Variants in BLTP3B observed in about 807,000 individuals in gnomAD.
The protein encoded by BLTP3B is UHRF1 (ICBP90) binding protein 1-like.
chr12:100,117,674 A>AT, the BLTP3B span, among the ~76,000 whole-genome samples: 3 of 151,140 alleles, frequency 2.0e-5, no homozygotes, highest in Non-Finnish European at 4.4e-5. Flanking sequence ...CTCATTTTTA[A>AT]TTTTTTTGTA....
the BLTP3B span, chr12:100,103,902 T>G: frequency 6.3e-7 from 1 of 1,597,636 alleles, no homozygotes. Flanking sequence ...TAAAGTGGTT[T>G]CAGAACTCAC....
chr12:100,102,009 A>G, the BLTP3B span, among the ~76,000 whole-genome samples: 1 of 152,040 alleles, frequency 6.6e-6, no homozygotes, highest in Non-Finnish European at 1.5e-5. Flanking sequence ...CATGTTGGTC[A>G]AGCTGGTGGC....
the BLTP3B span, among the ~76,000 whole-genome samples, chr12:100,091,663 C>T: frequency 1.3e-5 from 2 of 150,826 alleles, no homozygotes; most frequent in Non-Finnish European, 1.5e-5. Context: ...CCACCACGCC[C>T]GGCTAAATTT....
At chr12:100,141,714 T>C in the BLTP3B span, among the ~76,000 whole-genome samples, 4 of 152,126 alleles carry the variant, frequency 2.6e-5, no homozygotes, top group African/African-American at 4.8e-5. Context: ...TTGAGTTCGC[T>C]GGTAACAACT....
the BLTP3B span, chr12:100,092,633 C>G: frequency 6.6e-6 from 1 of 152,528 alleles, no homozygotes; most frequent in Non-Finnish European, 1.5e-5. Context: ...TTACTAGTTT[C>G]CTAATATATA....
At chr12:100,124,978 A>ATATG in the BLTP3B span, among the ~76,000 whole-genome samples, 1 of 99,228 alleles carries the variant, frequency 1.0e-5, no homozygotes, top group East Asian at 3.0e-4. Flanking sequence ...ATATATATAT[A>ATATG]TTTATATTTA....
At chr12:100,114,768 C>T in the BLTP3B span, among the ~76,000 whole-genome samples, 1 of 152,200 alleles carries the variant, frequency 6.6e-6, no homozygotes, top group African/African-American at 2.4e-5. Flanking sequence ...AATCCTTTCA[C>T]AGCCCATGGG....
At chr12:100,048,918 T>C in the BLTP3B span, among the ~76,000 whole-genome samples, 5 of 152,022 alleles carry the variant, frequency 3.3e-5, no homozygotes, top group Middle Eastern at 3.4e-3. Flanking sequence ...ATTCCAATAA[T>C]AGAATATCTA....
At chr12:100,083,350 T>TA in the BLTP3B span, among the ~76,000 whole-genome samples, 5 of 152,288 alleles carry the variant, frequency 3.3e-5, no homozygotes, top group South Asian at 1.0e-3. Flanking sequence ...ACATTTAAGT[T>TA]AGTCTTCTAC....
the BLTP3B span, chr12:100,060,146 T>A: frequency 1.1e-6 from 1 of 927,416 alleles, no homozygotes; most frequent in Non-Finnish European, 1.5e-6. Flanking sequence ...TTTCTTAAGA[T>A]AAAACAAATT....
chr12:100,072,008 C>T, the BLTP3B span, among the ~76,000 whole-genome samples: 111 of 152,340 alleles, frequency 7.3e-4, 2 homozygotes, highest in Middle Eastern at 3.4e-3. Flanking sequence ...TGCCTATAAT[C>T]CCAGCACTAT....
At chr12:100,135,908 A>G in the BLTP3B span, among the ~76,000 whole-genome samples, 1 of 152,094 alleles carries the variant, frequency 6.6e-6, no homozygotes. Context: ...ATTATTAGAG[A>G]TTATTTAAAA....
the BLTP3B span, among the ~76,000 whole-genome samples, chr12:100,121,354 G>GAAAAAAAAAAAAAAAAAAA: frequency 1.0e-5 from 1 of 97,134 alleles, no homozygotes; most frequent in Non-Finnish European, 2.2e-5. Context: ...CCATCTCATG[G>GAAAAAAAAAAAAAAAAAAA]AAAAAAAAAA....
the BLTP3B span, among the ~76,000 whole-genome samples, chr12:100,135,560 C>G: frequency 6.6e-6 from 1 of 152,092 alleles, no homozygotes; most frequent in Non-Finnish European, 1.5e-5. Flanking sequence ...AGACACCACA[C>G]CCGGCCTCAA....
the BLTP3B span, among the ~76,000 whole-genome samples, chr12:100,111,069 G>A: frequency 2.6e-5 from 4 of 151,404 alleles, no homozygotes; most frequent in South Asian, 4.2e-4. Flanking sequence ...CAATCTAAAC[G>A]TCCCAAGAGG....
chr12:100,140,673 C>T, the BLTP3B span, among the ~76,000 whole-genome samples: 1 of 125,336 alleles, frequency 8.0e-6, no homozygotes, highest in Non-Finnish European at 1.6e-5. Context: ...CCATTGCACT[C>T]CAGTCTGGGA....
the BLTP3B span, among the ~76,000 whole-genome samples, chr12:100,074,867 A>G: frequency 7.2e-5 from 11 of 152,330 alleles, no homozygotes; most frequent in Admixed American, 5.2e-4. Flanking sequence ...TAGAGAACCC[A>G]GAAATAAAAT....
chr12:100,081,314 T>C, the BLTP3B span, among the ~76,000 whole-genome samples: 2 of 152,194 alleles, frequency 1.3e-5, no homozygotes, highest in African/African-American at 4.8e-5. Context: ...CTTTAATATA[T>C]TTCAGTGGTT....
At chr12:100,100,052 T>C in the BLTP3B span, among the ~76,000 whole-genome samples, 1 of 151,008 alleles carries the variant, frequency 6.6e-6, no homozygotes, top group Non-Finnish European at 1.5e-5. Context: ...CCTATAATCC[T>C]AGCACTGTGG....
Sources: allele counts gnomAD v4.1 joint callset (sites outside exome capture counted in the v4.1 genomes callset), GRCh38; gene constraint gnomAD v4.1.1; transcripts MANE v1.5; gene names NCBI Gene and HGNC (gene_info 2026-07-23, HGNC 2026-07-21).